Variants in CNTN5 observed in about 807,000 individuals in gnomAD.
CNTN5 encodes the protein contactin-5.
A neutral mutation model predicts 129.1 loss-of-function variants in CNTN5; 77 were observed. The ratio of observed to expected loss-of-function variants is 0.60; its 90% CI spans 0.50 to 0.72. CNTN5 has a LOEUF of 0.72. Ranked by LOEUF, CNTN5 falls within the 30% of genes least tolerant of loss-of-function variation. CNTN5 has a pLI of 0.00. For missense variants in CNTN5, 1,478 were observed against 1,328.8 expected (o/e 1.11, Z -1.75); for synonymous variants, 509 against 465.6 (o/e 1.09, Z -1.20).
At chr11:99,799,143 C>T (rs555021672) in intron 3 of CNTN5, among the ~76,000 whole-genome samples, 1 of 151,794 alleles carries the variant, frequency 6.6e-6, no homozygotes, top group African/African-American at 2.4e-5. Flanking sequence ...GGTCATTTAT[C>T]AGTTCCTGAA....
chr11:99,271,218 C>A (rs948728508), intron 1 of CNTN5, among the ~76,000 whole-genome samples: 1 of 151,810 alleles, frequency 6.6e-6, no homozygotes, highest in Non-Finnish European at 1.5e-5. Flanking sequence ...GAAGTGGGAG[C>A]AATTAAGTGT....
At chr11:99,806,085 T>C (rs1445598082) in intron 3 of CNTN5, among the ~76,000 whole-genome samples, 1 of 152,224 alleles carries the variant, frequency 6.6e-6, no homozygotes, top group African/African-American at 2.4e-5. Flanking sequence ...GAACGTCTCT[T>C]CTCAGAGAGT....
At chr11:100,100,089 A>G (rs1300181736) in intron 13 of CNTN5, among the ~76,000 whole-genome samples, 1 of 152,106 alleles carries the variant, frequency 6.6e-6, no homozygotes, top group East Asian at 1.9e-4. Context: ...GCCCTAAGCA[A>G]CACAGCTCTC....
At chr11:100,299,751 T>G (rs529064176) in intron 20 of CNTN5, among the ~76,000 whole-genome samples, 2 of 151,612 alleles carry the variant, frequency 1.3e-5, no homozygotes, top group Non-Finnish European at 3.0e-5. Flanking sequence ...TCAATATATA[T>G]GTAAAGTAGA....
At chr11:99,169,847 A>C (rs1861062300) in intron 1 of CNTN5, among the ~76,000 whole-genome samples, 1 of 152,192 alleles carries the variant, frequency 6.6e-6, no homozygotes, top group South Asian at 2.1e-4. Flanking sequence ...ATAACATGCA[A>C]AGACTGAAAG....
At chr11:99,133,098 G>C (rs2087533790) in intron 1 of CNTN5, among the ~76,000 whole-genome samples, 1 of 151,866 alleles carries the variant, frequency 6.6e-6, no homozygotes, top group Admixed American at 6.6e-5. Flanking sequence ...CAGAAATAAG[G>C]CCACACACCT....
intron 2 of CNTN5, among the ~76,000 whole-genome samples, chr11:99,390,598 A>G (rs991296652): frequency 2.6e-5 from 4 of 152,184 alleles, no homozygotes; most frequent in African/African-American, 9.6e-5. Flanking sequence ...CCATTTGCGT[A>G]CAAACTAATG....
intron 6 of CNTN5, among the ~76,000 whole-genome samples, chr11:99,904,691 GT>G (rs745992016): frequency 6.6e-6 from 1 of 152,058 alleles, no homozygotes; most frequent in African/African-American, 2.4e-5. Context: ...GGTATTTCTG[GT>G]TCTAGATCCC....
At chr11:99,096,862 G>A (rs1056196327) in intron 1 of CNTN5, among the ~76,000 whole-genome samples, 11 of 151,722 alleles carry the variant, frequency 7.3e-5, no homozygotes, top group African/African-American at 2.7e-4. Flanking sequence ...ACAGGCTTTA[G>A]TTTCCTTGCT....
intron 2 of CNTN5, among the ~76,000 whole-genome samples, chr11:99,551,615 T>C (rs1025222096): frequency 7.9e-5 from 12 of 152,194 alleles, no homozygotes; most frequent in Non-Finnish European, 1.6e-4. Flanking sequence ...GATATAATCA[T>C]TGTGTGAACA....
intron 18 of CNTN5, among the ~76,000 whole-genome samples, chr11:100,290,663 A>T (rs1950939793): frequency 6.8e-6 from 1 of 147,654 alleles, no homozygotes; most frequent in African/African-American, 2.5e-5. Flanking sequence ...CCTAGAAGAA[A>T]ACCTAGGCAT....
chr11:99,684,010 G>A (rs2134734070), intron 3 of CNTN5, among the ~76,000 whole-genome samples: 1 of 151,730 alleles, frequency 6.6e-6, no homozygotes. Flanking sequence ...TATATTAACT[G>A]TAGTCATCAT....
intron 3 of CNTN5, among the ~76,000 whole-genome samples, chr11:99,720,708 A>C (rs1221991512): frequency 1.3e-5 from 2 of 152,152 alleles, no homozygotes; most frequent in Non-Finnish European, 2.9e-5. Flanking sequence ...AAGCCAAACT[A>C]TTTCATTTTG....
intron 1 of CNTN5, among the ~76,000 whole-genome samples, chr11:99,040,795 G>A (rs1281705890): frequency 1.3e-5 from 2 of 152,122 alleles, no homozygotes; most frequent in Non-Finnish European, 2.9e-5. Context: ...TGAATATATA[G>A]AGTTGCATAT....
At chr11:100,236,838 C>G (rs1210067949) in intron 16 of CNTN5, among the ~76,000 whole-genome samples, 29 of 152,140 alleles carry the variant, frequency 1.9e-4, no homozygotes, top group Admixed American at 1.8e-3. Flanking sequence ...GAATGTACAG[C>G]CTTTTAGGGA....
At chr11:99,080,408 A>G (rs967008357) in intron 1 of CNTN5, among the ~76,000 whole-genome samples, 1 of 152,136 alleles carries the variant, frequency 6.6e-6, no homozygotes, top group African/African-American at 2.4e-5. Flanking sequence ...CTATGGCATC[A>G]AGTTCCCACG....
intron 2 of CNTN5, among the ~76,000 whole-genome samples, chr11:99,353,594 T>A (rs1224771345): frequency 2.0e-5 from 3 of 152,206 alleles, no homozygotes; most frequent in Non-Finnish European, 4.4e-5. Context: ...ATGGTCAGAT[T>A]TAACTTTGCA....
At chr11:99,978,408 G>A (rs1394731086) in intron 8 of CNTN5, among the ~76,000 whole-genome samples, 2 of 152,192 alleles carry the variant, frequency 1.3e-5, no homozygotes, top group African/African-American at 4.8e-5. Context: ...ATGTACAGTA[G>A]TGTCCTAGGC....
chr11:99,693,838 C>T (rs1954144572), intron 3 of CNTN5, among the ~76,000 whole-genome samples: 1 of 151,724 alleles, frequency 6.6e-6, no homozygotes, highest in African/African-American at 2.4e-5. Flanking sequence ...GAATCAGGTT[C>T]CAAAGGTAGG....
Sources: allele counts gnomAD v4.1 joint callset (sites outside exome capture counted in the v4.1 genomes callset), GRCh38; gene constraint gnomAD v4.1.1; transcripts MANE v1.5; gene names NCBI Gene and HGNC (gene_info 2026-07-23, HGNC 2026-07-21).